GLIS3: variants seen among roughly 807,000 people sequenced by gnomAD.
GLIS3 encodes the protein zinc finger protein GLIS3.
Under a neutral mutation model 78.6 loss-of-function variants are expected in GLIS3, and 53 were observed. That is an observed-to-expected ratio of 0.67 (90% CI 0.54 to 0.85). The LOEUF is 0.85. Ranked by LOEUF, GLIS3 falls within the 40% of genes least tolerant of loss-of-function variation. The probability of loss-of-function intolerance (pLI) is 0.00; values close to 1 mark genes in which losing one functional copy is unlikely to be tolerated. For synonymous variants in GLIS3, 684 were observed against 509.9 expected (o/e 1.34, Z -4.60); for missense variants, 1,703 against 1,231.1 (o/e 1.38, Z -5.74).
the GLIS3 span, among the ~76,000 whole-genome samples, chr9:4,380,629 T>A: frequency 6.6e-6 from 1 of 152,176 alleles, no homozygotes; most frequent in South Asian, 2.1e-4. Context: ...GGCCAAGAAA[T>A]CTGGATATTT....
In GLIS3 at chr9:3,824,973, G is replaced by A. The variant is rs925884769; in HGVS notation, c.*3299C>T. 1 of 147,632 alleles carries A rather than the reference G, an allele frequency of 6.8e-6. No homozygotes were observed. The highest frequency in any genetic ancestry group is 1.5e-5 in the Non-Finnish European group (1 of 67,390). The allele number at this position is 147,632 out of a possible 1,614,324, so 9.1% of individuals were successfully genotyped here. A position where few individuals can be genotyped will look rare whatever the true frequency, so the allele number is the denominator to read the frequency against. Reference sequence around the variant, plus strand: ...AAATTCCACACCACTAACAAAAAGTGCTATTTAAAAATGCTTCCATAAAAT... The same window carrying A: ...AAATTCCACACCACTAACAAAAAGTACTATTTAAAAATGCTTCCATAAAAT... On this transcript the variant is annotated 3_prime_UTR_variant, in exon 11 of 11. Transcript: ENST00000381971.
chr9:4,217,711 C>T (rs1286900143), intron 2 of GLIS3, among the ~76,000 whole-genome samples: 6 of 152,154 alleles, frequency 3.9e-5, no homozygotes, highest in Non-Finnish European at 7.4e-5. Flanking sequence ...GATTCTAGAA[C>T]CTGTGGTCTC....
chr9:3,865,508 G>A (rs969110508), intron 8 of GLIS3, among the ~76,000 whole-genome samples: 4 of 152,134 alleles, frequency 2.6e-5, no homozygotes, highest in African/African-American at 9.7e-5. Flanking sequence ...TATATGACTC[G>A]CTGTTTCAGA....
At position 4,056,823 on chromosome 9, in the gene GLIS3, T is replaced by C. The variant is rs185884187; in HGVS notation, c.1710+60945A>G. Among the ~76,000 whole-genome samples, 4 of 150,396 alleles carry C rather than the reference T, an allele frequency of 2.7e-5. No individual in the cohort carries two copies. In the East Asian group the frequency reaches 7.8e-4, roughly 29 times the overall value. ...AATATTAATGGATAGGGAAAAGAGT[T>C]GGCAAAAGCAGCCGACTAATTGCCC... On this transcript the variant is annotated intron_variant, in intron 4 of 10. Transcript: ENST00000381971.
At chr9:4,366,070 G>C in the GLIS3 span, among the ~76,000 whole-genome samples, 1 of 152,206 alleles carries the variant, frequency 6.6e-6, no homozygotes. Context: ...GACTGATTTT[G>C]AGCATAAGGG....
At chr9:3,929,648 T>C (rs1049467626) in intron 6 of GLIS3, among the ~76,000 whole-genome samples, 3 of 152,172 alleles carry the variant, frequency 2.0e-5, no homozygotes. Context: ...CAGGGTATAT[T>C]AAATAAGCCC....
chr9:4,011,779 A>T (rs1281110361), intron 4 of GLIS3, among the ~76,000 whole-genome samples: 1 of 152,132 alleles, frequency 6.6e-6, no homozygotes, highest in Non-Finnish European at 1.5e-5. Context: ...TTTTCATTTG[A>T]TTCTACCCTT....
At chr9:4,025,479 C>T (rs750599169) in intron 4 of GLIS3, among the ~76,000 whole-genome samples, 1 of 152,040 alleles carries the variant, frequency 6.6e-6, no homozygotes, top group Non-Finnish European at 1.5e-5. Context: ...CCTCCGACTC[C>T]CTGGTGCAAG....
the GLIS3 span, among the ~76,000 whole-genome samples, chr9:4,450,159 T>C: frequency 1.3e-5 from 2 of 152,136 alleles, no homozygotes; most frequent in South Asian, 2.1e-4. Context: ...TTAAGTGACC[T>C]GATGGAGCTG....
chr9:3,889,595 A>T (rs1220778843), intron 7 of GLIS3, among the ~76,000 whole-genome samples: 1 of 152,224 alleles, frequency 6.6e-6, no homozygotes, highest in East Asian at 1.9e-4. Flanking sequence ...ATTTCAATTA[A>T]TCCACTTTAT....
chr9:4,332,757 A>G (rs7866926), intron 2 of GLIS3, among the ~76,000 whole-genome samples: 115,342 of 151,692 alleles, frequency 0.76, 44,033 homozygotes, highest in South Asian at 0.83. Flanking sequence ...GATACAGATT[A>G]AATTTGATAC....
chr9:4,226,335 C>T, intron 2 of GLIS3, among the ~76,000 whole-genome samples: 1 of 152,180 alleles, frequency 6.6e-6, no homozygotes, highest in Non-Finnish European at 1.5e-5. Context: ...GGTCCATATA[C>T]ATCTTTTTAA....
intron 4 of GLIS3, among the ~76,000 whole-genome samples, chr9:4,002,087 T>C (rs1273596944): frequency 6.6e-6 from 1 of 152,192 alleles, no homozygotes; most frequent in Non-Finnish European, 1.5e-5. Flanking sequence ...ATTATCATTA[T>C]CCCAGATTAT....
chr9:4,141,750 T>A (rs1239264950), intron 2 of GLIS3, among the ~76,000 whole-genome samples: 2 of 152,248 alleles, frequency 1.3e-5, no homozygotes, highest in Non-Finnish European at 2.9e-5. Context: ...ACCTTTTGGC[T>A]CAGAAAATTT....
chr9:4,456,252 A>C, the GLIS3 span, among the ~76,000 whole-genome samples: 4 of 152,168 alleles, frequency 2.6e-5, no homozygotes, highest in Non-Finnish European at 4.4e-5. Flanking sequence ...GAAAGTTGTA[A>C]ATTTTTGGTG....
the GLIS3 span, among the ~76,000 whole-genome samples, chr9:4,414,507 G>T: frequency 6.6e-6 from 1 of 152,292 alleles, no homozygotes. Context: ...TTATAGGATT[G>T]TTTTAAGGGT....
the GLIS3 span, among the ~76,000 whole-genome samples, chr9:4,447,841 T>C: frequency 1.3e-5 from 2 of 152,238 alleles, no homozygotes; most frequent in African/African-American, 4.8e-5. Context: ...ACTGGTCTGT[T>C]CCATGTTCTG....
chr9:4,162,846 C>T (rs1390905701), intron 2 of GLIS3, among the ~76,000 whole-genome samples: 2 of 108,734 alleles, frequency 1.8e-5, no homozygotes, highest in African/African-American at 3.8e-5. Context: ...GACAGAGTCT[C>T]GCTCTGTCAA....
intron 4 of GLIS3, among the ~76,000 whole-genome samples, chr9:3,980,807 C>A (rs1764695324): frequency 6.6e-6 from 1 of 152,112 alleles, no homozygotes; most frequent in African/African-American, 2.4e-5. Context: ...CTGCTTCTCA[C>A]TGACTTTTCT....
Sources: gnomAD v4.1 joint callset for allele counts (sites outside exome capture counted in the v4.1 genomes callset) on GRCh38, gnomAD v4.1.1 for gene constraint, MANE v1.5 for transcripts, NCBI Gene and HGNC (gene_info 2026-07-23, HGNC 2026-07-21) for gene names.